The following CFAP251 variants were observed in gnomAD, a reference collection of about 807,000 sequenced individuals.
CFAP251 encodes cilia and flagella associated protein 251, also known as cilia- and flagella-associated protein 251.
CFAP251 carries 93 observed loss-of-function variants against 126.7 expected under a neutral mutation model. The observed-to-expected ratio is 0.73, with a 90% CI of 0.62 to 0.87. CFAP251 has a LOEUF of 0.87. CFAP251 is among the 40% of genes least tolerant of loss of function. The pLI is 0.00. For missense variants in CFAP251, 1,287 were observed against 1,389.2 expected, an observed-to-expected ratio of 0.93 and a Z score of 1.17; for synonymous variants, 503 against 506.9, an observed-to-expected ratio of 0.99 and a Z score of 0.10.
At chr12:121,959,295 G>C (rs1339226027) in intron 13 of CFAP251, 1 of 513,448 alleles carries the variant, frequency 1.9e-6, no homozygotes, top group African/African-American at 2.0e-5. Context: ...TTAAAAATTA[G>C]CCAGGCCTTG....
At chr12:121,922,483 CAG>C (rs1679248963) in intron 2 of CFAP251, among the ~76,000 whole-genome samples, 1 of 151,992 alleles carries the variant, frequency 6.6e-6, no homozygotes, top group South Asian at 2.1e-4. Context: ...GGAGATGAAA[CAG>C]GGCCTCTTAA....
chr12:121,978,772 C>T (rs373215919), intron 19 of CFAP251, among the ~76,000 whole-genome samples: 110 of 152,274 alleles, frequency 7.2e-4, no homozygotes, highest in African/African-American at 2.6e-3. Flanking sequence ...TTGGACCACT[C>T]TCCAGTTGAT....
rs894295977 is a variant in CFAP251, at chr12:121,986,296, A to ATT, written c.3006+10628_3006+10629dup. 1.3e-3 allele frequency among the ~76,000 whole-genome samples: 160 copies of ATT among 123,540 alleles called. 3 individuals carry two copies. The East Asian group carries it at 0.034, about 27-fold the overall frequency. 81.0% of individuals were successfully genotyped at this position (123,540 alleles called of 152,430 possible). A position where few individuals can be genotyped will look rare whatever the true frequency, so the allele number is the denominator to read the frequency against. On this transcript the variant is annotated intron_variant, in intron 19 of 21. Coordinates refer to ENST00000288912, the MANE Select transcript of CFAP251 (RefSeq NM_144668.6). Reference sequence around the variant, plus strand: ...CATGAGCCACCATGGCTGGCCACGAATTTTTTTTTTTTTTTTTTGGAGACC... The same window carrying ATT: ...CATGAGCCACCATGGCTGGCCACGAATTTTTTTTTTTTTTTTTTTTGGAGACC...
intron 3 of CFAP251, 64 bp from the exon 4 acceptor site, chr12:121,931,682 C>G: frequency 7.2e-7 from 1 of 1,389,336 alleles, no homozygotes; most frequent in Non-Finnish European, 9.4e-7. Flanking sequence ...CGGCGAGTTC[C>G]TGGAGCCCCA....
intron 5 of CFAP251, among the ~76,000 whole-genome samples, chr12:121,939,973 TAACA>T (rs765311523): frequency 6.6e-6 from 1 of 152,226 alleles, no homozygotes; most frequent in African/African-American, 2.4e-5. Context: ...GTAGTCTGAT[TAACA>T]AACAAATCCT....
intron 17 of CFAP251, chr12:121,971,994 CT>C: frequency 4.1e-6 from 1 of 242,730 alleles, no homozygotes; most frequent in Non-Finnish European, 8.1e-6. Flanking sequence ...TGAGACGTGC[CT>C]TTCACCTTCC....
chr12:121,940,697 T>A (rs1881076366), intron 5 of CFAP251, among the ~76,000 whole-genome samples: 1 of 152,236 alleles, frequency 6.6e-6, no homozygotes, highest in Non-Finnish European at 1.5e-5. Flanking sequence ...CTGTCTTAGA[T>A]ACTTGCATGT....
At chr12:121,932,647 G>C (rs956365972) in intron 4 of CFAP251, 4 of 152,208 alleles carry the variant, frequency 2.6e-5, no homozygotes, top group African/African-American at 4.8e-5. Flanking sequence ...TTCAGTTGAC[G>C]TGTGTTGTTA....
intron 3 of CFAP251, among the ~76,000 whole-genome samples, chr12:121,930,588 C>T (rs2135751929): frequency 6.6e-6 from 1 of 152,220 alleles, no homozygotes; most frequent in South Asian, 2.1e-4. Flanking sequence ...ATTTATTGTA[C>T]TTATAATTTT....
chr12:121,992,156 C>A, intron 19 of CFAP251: 1 of 976,184 alleles, frequency 1.0e-6, no homozygotes, highest in Non-Finnish European at 1.2e-6. Context: ...AGCTAGGACT[C>A]CTGCTTCTCT....
rs201825698 is a variant in CFAP251, at chr12:121,958,530, C to T, written c.1981+8C>T. 62 of 1,614,054 alleles carry T rather than the reference C, an allele frequency of 3.8e-5. 1 individual carries two copies. The East Asian group carries it at 1.3e-3, about 35-fold the overall frequency. On this transcript the variant is annotated splice_region_variant and intron_variant, in intron 12 of 21. Transcript: ENST00000288912. ...TGACCTACAACCCCGAAGGTATTTT[C>T]ATCTTATCAGCCTACCATCGGTTCC...
intron 19 of CFAP251, chr12:121,992,636 G>A: frequency 2.0e-6 from 1 of 493,682 alleles, no homozygotes; most frequent in Non-Finnish European, 2.6e-6. Flanking sequence ...GGAGTGCAGT[G>A]GCACAATCAC....
intron 17 of CFAP251, among the ~76,000 whole-genome samples, chr12:121,972,886 T>A (rs892860845): frequency 6.6e-6 from 1 of 152,216 alleles, no homozygotes; most frequent in Non-Finnish European, 1.5e-5. Context: ...CATAAAAGTT[T>A]GGAAAATTTG....
chr12:121,970,170 C>T (rs938169162), intron 17 of CFAP251, among the ~76,000 whole-genome samples: 10 of 152,168 alleles, frequency 6.6e-5, no homozygotes, highest in Non-Finnish European at 1.3e-4. Context: ...CAGTCTATGG[C>T]GCTTCTGCCC....
chr12:121,998,696 C>G (rs1246733771), intron 19 of CFAP251: 6 of 145,904 alleles, frequency 4.1e-5, no homozygotes, highest in Non-Finnish European at 9.1e-5. Context: ...TGAGACCAGC[C>G]TGGGCAACAT....
chr12:121,934,587 T>A (rs1880815791), intron 5 of CFAP251, among the ~76,000 whole-genome samples: 1 of 152,152 alleles, frequency 6.6e-6, no homozygotes, highest in Non-Finnish European at 1.5e-5. Flanking sequence ...CAAGGACAGA[T>A]TTTTTAGTGG....
rs752087591 is a variant in CFAP251 at position 121,949,105 on chromosome 12, A to G, written c.1269+44A>G. 4 of 1,301,796 alleles carry G rather than the reference A, an allele frequency of 3.1e-6. No individual in the cohort carries two copies. The South Asian group carries it at 5.5e-5, about 18-fold the overall frequency. 80.6% of individuals were successfully genotyped at this position (1,301,796 alleles called of 1,614,324 possible). ...ATTTGTTTTAAATGTGGGTAGAAGT[A>G]TGTGTTCATTCTTTGAGTACAAATG... On this transcript the variant is annotated intron_variant, in intron 8 of 21. Coordinates refer to ENST00000288912, the MANE Select transcript of CFAP251 (RefSeq NM_144668.6).
At chr12:121,965,930 C>T (rs1473656314) in intron 15 of CFAP251, among the ~76,000 whole-genome samples, 1 of 150,660 alleles carries the variant, frequency 6.6e-6, no homozygotes, top group African/African-American at 2.4e-5. Flanking sequence ...AACAATGCTC[C>T]CACCTTAGCC....
chr12:121,965,628 T>C (rs548874313), intron 15 of CFAP251, among the ~76,000 whole-genome samples: 1 of 152,202 alleles, frequency 6.6e-6, no homozygotes, highest in South Asian at 2.1e-4. Context: ...TGTAATGACG[T>C]GGAAATATCT....
Sources: allele counts gnomAD v4.1 joint callset (sites outside exome capture counted in the v4.1 genomes callset), GRCh38; gene constraint gnomAD v4.1.1; transcripts MANE v1.5; gene names NCBI Gene and HGNC (gene_info 2026-07-23, HGNC 2026-07-21).